PBX1: variants seen among roughly 807,000 people sequenced by gnomAD.
PBX1 encodes the protein pre-B-cell leukemia transcription factor 1.
In PBX1, 6 loss-of-function variants were observed where a neutral mutation model predicts 53.4. The ratio of observed to expected loss-of-function variants is 0.11; its 90% CI spans 0.06 to 0.22. The LOEUF (loss-of-function observed/expected upper bound fraction) is 0.22. Among genes scored for constraint, PBX1 ranks in the 10% least tolerant of loss-of-function variants. PBX1 has a pLI of 1.00. For missense variants in PBX1, 251 were observed against 551.4 expected, an observed-to-expected ratio of 0.46 and a Z score of 5.46; for synonymous variants, 204 against 212.3, an observed-to-expected ratio of 0.96 and a Z score of 0.34.
chr1:164,640,556 G>GTTTTTTTTTTTTTTTTTTTTT (rs1272033438), intron 2 of PBX1, among the ~76,000 whole-genome samples: 1 of 30,680 alleles, frequency 3.3e-5, no homozygotes, highest in African/African-American at 6.2e-5. Flanking sequence ...TTTTTTTTTT[G>GTTTTTTTTTTTTTTTTTTTTT]TGTTTTTTTT....
At chr1:164,821,659 GT>G (rs2102366852) in intron 8 of PBX1, 33 bp downstream of exon 8, 1 of 1,534,884 alleles carries the variant, frequency 6.5e-7, no homozygotes, top group Non-Finnish European at 9.0e-7. Flanking sequence ...CCCCTGCTTT[GT>G]TTTTATTCTT....
At position 164,740,519 on chromosome 1, in the gene PBX1, A is replaced by C. The variant is rs80007298; in HGVS notation, c.266-51975A>C. ...TGATGTAAAAAGCAAACCCATAACT[A>C]TCTTTGGTGATGGTAGGCTGAACCC... is the stretch of plus-strand genomic sequence containing the variant. On this transcript the variant is annotated intron_variant, in intron 2 of 8. Coordinates refer to ENST00000420696, the MANE Select transcript of PBX1 (RefSeq NM_002585.4). 9.2e-5 allele frequency among the ~76,000 whole-genome samples: 14 copies of C among 152,248 alleles called. No homozygotes were observed. The East Asian group carries it at 2.5e-3, about 27-fold the overall frequency.
At position 164,866,825 on chromosome 1, in the gene PBX1, C is replaced by T. The variant is rs150024041; in HGVS notation, n.258-32363C>T. Among the ~76,000 whole-genome samples, 1,184 of 152,256 alleles carry T rather than the reference C, an allele frequency of 7.8e-3. 12 individuals carry two copies. Among genetic ancestry groups the T allele is most frequent in the Middle Eastern group, 0.058 (17 of 294 alleles). Reference sequence around the variant, plus strand: ...TCTAATTTTAAAATAAATTATATGGCATCTGAGATTCAGAAGGGACCTTGA... The same window carrying T: ...TCTAATTTTAAAATAAATTATATGGTATCTGAGATTCAGAAGGGACCTTGA... On this transcript the variant is annotated intron_variant and non_coding_transcript_variant, in intron 2 of 2. Coordinates refer to the PBX1 transcript ENST00000558796.
At chr1:164,739,753 A>ATGTG (rs57602745) in intron 2 of PBX1, among the ~76,000 whole-genome samples, 58 of 143,116 alleles carry the variant, frequency 4.1e-4, no homozygotes, top group African/African-American at 1.4e-3. Flanking sequence ...GTGGTTGTGC[A>ATGTG]TGTGTGTGTG....
chr1:164,755,842 A>T (rs775251897), intron 2 of PBX1, among the ~76,000 whole-genome samples: 81 of 151,966 alleles, frequency 5.3e-4, no homozygotes, highest in Non-Finnish European at 7.1e-4. Flanking sequence ...CCAGGGCGCC[A>T]TGTAACTCCC....
chr1:164,659,720 C>T lies in PBX1; in HGVS notation c.265+96409C>T, dbSNP rs147241155. The stretch of plus-strand genomic sequence containing the variant: ...GAGCACTAAGCTTGGCCAGTTGGAA[C>T]GCCAGCCATGCCCAGTCTTGTGTTT... On this transcript the variant is annotated intron_variant, in intron 2 of 8. Transcript: ENST00000420696. Among the ~76,000 whole-genome samples the T allele has an allele frequency of 6.3e-3, 966 of 152,278 alleles. 7 individuals are homozygous for T. The highest frequency in any genetic ancestry group is 0.022 in the African/African-American group (914 of 41,552).
intron 2 of PBX1, among the ~76,000 whole-genome samples, chr1:164,585,825 A>C (rs984084264): frequency 6.6e-6 from 1 of 152,236 alleles, no homozygotes; most frequent in Non-Finnish European, 1.5e-5. Context: ...TTTTCTTTAC[A>C]TCCAATGTTC....
chr1:164,780,179 T>A (rs2102272559), intron 2 of PBX1, among the ~76,000 whole-genome samples: 1 of 152,076 alleles, frequency 6.6e-6, no homozygotes, highest in African/African-American at 2.4e-5. Context: ...GACCCCCTGC[T>A]CTCCCCAAAT....
At chr1:164,727,375 G>A (rs1664752404) in intron 2 of PBX1, among the ~76,000 whole-genome samples, 1 of 152,102 alleles carries the variant, frequency 6.6e-6, no homozygotes, top group African/African-American at 2.4e-5. Flanking sequence ...ACTAAATCAG[G>A]TTATAATTCA....
At chr1:164,587,905 GCA>G (rs1655062042) in intron 2 of PBX1, among the ~76,000 whole-genome samples, 2 of 152,088 alleles carry the variant, frequency 1.3e-5, no homozygotes, top group Admixed American at 1.3e-4. Flanking sequence ...TGAATCTCCT[GCA>G]CAGTCACTGA....
chr1:164,711,405 A>G (rs1236380908), intron 2 of PBX1, among the ~76,000 whole-genome samples: 2 of 152,158 alleles, frequency 1.3e-5, no homozygotes, highest in Non-Finnish European at 2.9e-5. Context: ...CTGGGACTAC[A>G]GGCGCCCGCC....
At chr1:164,603,962 T>A (rs943998975) in intron 2 of PBX1, among the ~76,000 whole-genome samples, 8 of 127,110 alleles carry the variant, frequency 6.3e-5, no homozygotes, top group Middle Eastern at 4.4e-3. Context: ...TTTTTTTTTT[T>A]AGAGATGAGT....
At chr1:164,679,344 A>AC (rs946105828) in intron 2 of PBX1, among the ~76,000 whole-genome samples, 14 of 152,166 alleles carry the variant, frequency 9.2e-5, no homozygotes, top group African/African-American at 2.9e-4. Context: ...AGTTACTGAG[A>AC]CCATCGGCTG....
chr1:164,583,050 C>T (rs1457558201), intron 2 of PBX1, among the ~76,000 whole-genome samples: 1 of 152,086 alleles, frequency 6.6e-6, no homozygotes, highest in African/African-American at 2.4e-5. Flanking sequence ...ACTCTTTACT[C>T]TGAAATAAAA....
chr1:164,710,635 T>C (rs1663703080), intron 2 of PBX1, among the ~76,000 whole-genome samples: 1 of 152,078 alleles, frequency 6.6e-6, no homozygotes, highest in African/African-American at 2.4e-5. Flanking sequence ...GGTCTCAAAC[T>C]CCCGAACTCA....
At chr1:164,613,500 C>A (rs1481033644) in intron 2 of PBX1, among the ~76,000 whole-genome samples, 1 of 152,102 alleles carries the variant, frequency 6.6e-6, no homozygotes, top group African/African-American at 2.4e-5. Flanking sequence ...TAAAGCTATT[C>A]CTAACTTTCT....
intron 2 of PBX1, among the ~76,000 whole-genome samples, chr1:164,741,735 A>AGTGTGTGTGTGTGT (rs1472287507): frequency 1.2e-5 from 1 of 83,518 alleles, no homozygotes. Flanking sequence ...AGCATGTATG[A>AGTGTGTGTGTGTGT]GTGAGTGTGT....
intron 2 of PBX1, among the ~76,000 whole-genome samples, chr1:164,882,508 G>T (rs571385778): frequency 1.3e-5 from 2 of 152,312 alleles, no homozygotes; most frequent in Non-Finnish European, 2.9e-5. Flanking sequence ...AATGTGAAAA[G>T]TCTATAGTCC....
intron 2 of PBX1, among the ~76,000 whole-genome samples, chr1:164,870,218 T>TTTTCTTTCCTTCCTTCCTTCCTTCC (rs1672320232): frequency 1.8e-5 from 1 of 55,126 alleles, no homozygotes; most frequent in Non-Finnish European, 4.3e-5. Flanking sequence ...CTTTTCTTTC[T>TTTTCTTTCCTTCCTTCCTTCCTTCC]TTCCTTCCTT....
Sources: allele counts gnomAD v4.1 joint callset (sites outside exome capture counted in the v4.1 genomes callset), GRCh38; gene constraint gnomAD v4.1.1; transcripts MANE v1.5; gene names NCBI Gene and HGNC (gene_info 2026-07-23, HGNC 2026-07-21).